RGS7: variants seen among roughly 807,000 people sequenced by gnomAD.
RGS7 encodes the protein regulator of G-protein signaling 7.
RGS7 carries 27 observed loss-of-function variants against 81.1 expected under a neutral mutation model. The observed-to-expected ratio is 0.33, with a 90% CI of 0.25 to 0.46. The LOEUF is 0.46. RGS7 is among the 20% of genes least tolerant of loss of function. The pLI is 1.00. For synonymous variants in RGS7, 208 were observed against 207.7 expected (o/e 1.00, Z -0.01); for missense variants, 396 against 607.4 (o/e 0.65, Z 3.66).
intron 2 of RGS7, chr1:241,305,748 AGC>A: frequency 9.2e-6 from 2 of 218,404 alleles, no homozygotes; most frequent in South Asian, 1.1e-4. Context: ...TATGGGACAA[AGC>A]CACACACCTC....
chr1:240,885,227 C>T (rs1034244791), intron 6 of RGS7, among the ~76,000 whole-genome samples: 4 of 152,084 alleles, frequency 2.6e-5, no homozygotes, highest in African/African-American at 9.6e-5. Flanking sequence ...TTCAGAATGG[C>T]TATTACTAAA....
intron 2 of RGS7, among the ~76,000 whole-genome samples, chr1:241,212,354 CCTGAGA>C (rs2074292569): frequency 6.6e-6 from 1 of 152,122 alleles, no homozygotes; most frequent in Non-Finnish European, 1.5e-5. Flanking sequence ...GGGTGTGTCA[CCTGAGA>C]GGTGACACAC....
chr1:241,095,059 G>A lies in RGS7; in HGVS notation c.175+3607C>T, dbSNP rs948953455. On this transcript the variant is annotated intron_variant, in intron 3 of 18. Coordinates refer to ENST00000440928, the MANE Select transcript of RGS7 (RefSeq NM_001364886.1). ...TTTTTTTTAAAAAGTCATTAGATAG[G>A]CTGGGGTGGCCTTGATTGAGGCCAG... 5.5e-4 allele frequency among the ~76,000 whole-genome samples: 84 copies of A among 152,194 alleles called. 1 individual carries two copies. The highest frequency in any genetic ancestry group is 2.0e-3 in the African/African-American group (82 of 41,532).
At chr1:240,933,320 C>T (rs1676029063) in intron 5 of RGS7, among the ~76,000 whole-genome samples, 1 of 151,964 alleles carries the variant, frequency 6.6e-6, no homozygotes, top group Non-Finnish European at 1.5e-5. Flanking sequence ...ACCTATTCTA[C>T]TCAGACAAGA....
intron 9 of RGS7, among the ~76,000 whole-genome samples, chr1:240,843,565 C>T (rs890223042): frequency 6.6e-6 from 1 of 152,132 alleles, no homozygotes; most frequent in Non-Finnish European, 1.5e-5. Flanking sequence ...TATGCCCGGC[C>T]TGACACATAT....
chr1:241,333,579 T>C (rs1443817373), intron 2 of RGS7, among the ~76,000 whole-genome samples: 2 of 152,134 alleles, frequency 1.3e-5, no homozygotes, highest in Non-Finnish European at 2.9e-5. Flanking sequence ...TAAAAGGAAA[T>C]AATATCTCTG....
intron 4 of RGS7, among the ~76,000 whole-genome samples, chr1:240,979,766 C>T (rs1181645838): frequency 1.3e-5 from 2 of 152,114 alleles, no homozygotes; most frequent in Non-Finnish European, 2.9e-5. Context: ...GAGTGAAAAG[C>T]CACCACAGAA....
At chr1:241,243,270 A>C (rs1023923083) in intron 2 of RGS7, among the ~76,000 whole-genome samples, 10 of 152,230 alleles carry the variant, frequency 6.6e-5, no homozygotes, top group African/African-American at 2.4e-4. Flanking sequence ...AGGAATGAAG[A>C]ATTCTTTCTT....
intron 4 of RGS7, among the ~76,000 whole-genome samples, chr1:240,976,910 A>G (rs1558548183): frequency 2.3e-5 from 1 of 43,818 alleles, no homozygotes; most frequent in African/African-American, 4.4e-5. Flanking sequence ...TCCATCTATT[A>G]TCTTTCTATC....
intron 9 of RGS7, among the ~76,000 whole-genome samples, chr1:240,849,218 A>G (rs979304427): frequency 6.6e-6 from 1 of 152,142 alleles, no homozygotes; most frequent in African/African-American, 2.4e-5. Context: ...TTCATTCAAC[A>G]AGTTACCCCC....
chr1:241,145,246 G>A (rs2068229281), intron 2 of RGS7, among the ~76,000 whole-genome samples: 1 of 151,984 alleles, frequency 6.6e-6, no homozygotes, highest in African/African-American at 2.4e-5. Flanking sequence ...TCGACCTCCT[G>A]CCCCTGTGAT....
At chr1:241,113,545 A>G (rs375156840) in intron 2 of RGS7, among the ~76,000 whole-genome samples, 2 of 152,210 alleles carry the variant, frequency 1.3e-5, no homozygotes, top group African/African-American at 4.8e-5. Context: ...AATACTGACT[A>G]TATTTTTAAA....
At chr1:240,934,979 C>G (rs1000440134) in intron 5 of RGS7, among the ~76,000 whole-genome samples, 2 of 148,818 alleles carry the variant, frequency 1.3e-5, no homozygotes, top group Non-Finnish European at 3.0e-5. Flanking sequence ...ACCTCCATCT[C>G]CCAGGTTCAA....
chr1:241,014,537 T>C (rs978974743), intron 3 of RGS7, among the ~76,000 whole-genome samples: 11 of 152,206 alleles, frequency 7.2e-5, no homozygotes, highest in African/African-American at 2.7e-4. Flanking sequence ...TTGCAAGCTC[T>C]CTCCAGTCAT....
chr1:240,886,627 A>C (rs16840954), intron 6 of RGS7, among the ~76,000 whole-genome samples: 3,526 of 152,260 alleles, frequency 0.023, 141 homozygotes, highest in African/African-American at 0.077. Context: ...CTCAAATAAA[A>C]AGAGAGAGAC....
At chr1:240,994,904 G>A (rs1348868836) in intron 3 of RGS7, among the ~76,000 whole-genome samples, 2 of 151,968 alleles carry the variant, frequency 1.3e-5, no homozygotes, top group East Asian at 3.9e-4. Flanking sequence ...CAAACTCCTG[G>A]TCTCCAAGTG....
chr1:241,245,574 C>T (rs552720197), intron 2 of RGS7, among the ~76,000 whole-genome samples: 2 of 151,514 alleles, frequency 1.3e-5, no homozygotes, highest in Non-Finnish European at 2.9e-5. Context: ...TTTGGGAGGT[C>T]GAGGTGGGCA....
At chr1:241,044,595 AATTT>A (rs2060811103) in intron 3 of RGS7, among the ~76,000 whole-genome samples, 1 of 150,712 alleles carries the variant, frequency 6.6e-6, no homozygotes, top group Non-Finnish European at 1.5e-5. Flanking sequence ...CTAATTTTAA[AATTT>A]ATTTATTTTT....
chr1:241,057,301 A>G (rs974937118), intron 3 of RGS7, among the ~76,000 whole-genome samples: 28 of 152,294 alleles, frequency 1.8e-4, no homozygotes, highest in African/African-American at 6.7e-4. Flanking sequence ...AAATATTTGG[A>G]TAAGTCATTT....
Sources: gnomAD v4.1 joint callset for allele counts (sites outside exome capture counted in the v4.1 genomes callset) on GRCh38, gnomAD v4.1.1 for gene constraint, MANE v1.5 for transcripts, NCBI Gene and HGNC (gene_info 2026-07-23, HGNC 2026-07-21) for gene names.